COPG2: variants seen among roughly 807,000 people sequenced by gnomAD.
COPG2 encodes coatomer subunit gamma-2.
In COPG2, 37 loss-of-function variants were observed where a neutral mutation model predicts 46.3. That is an observed-to-expected ratio of 0.80 (90% CI 0.61 to 1.05). COPG2 has a LOEUF of 1.05. COPG2 is among the 50% of genes least tolerant of loss of function. COPG2 has a pLI of 0.00. For missense variants in COPG2, 427 were observed against 387.8 expected (o/e 1.10, Z -0.85); for synonymous variants, 159 against 129.7 (o/e 1.23, Z -1.53).
chr7:130,558,084 C>T (rs925484946), intron 12 of COPG2, among the ~76,000 whole-genome samples: 151 of 151,888 alleles, frequency 9.9e-4, no homozygotes, highest in African/African-American at 3.2e-3. Context: ...GGGGCAAAGA[C>T]GGTCTTAAAA....
intron 20 of COPG2, among the ~76,000 whole-genome samples, chr7:130,534,500 ATGGG>A (rs1799860038): frequency 6.6e-6 from 1 of 151,476 alleles, no homozygotes; most frequent in African/African-American, 2.4e-5. Flanking sequence ...TGAGGCTCCA[ATGGG>A]GGTGGGGGGC....
At chr7:130,596,633 C>A (rs1323610117) in intron 9 of COPG2, among the ~76,000 whole-genome samples, 1 of 152,164 alleles carries the variant, frequency 6.6e-6, no homozygotes, top group Non-Finnish European at 1.5e-5. Context: ...GTCTCCCCGG[C>A]CTGACCATGG....
chr7:130,555,590 G>A (rs1793607665), intron 12 of COPG2, among the ~76,000 whole-genome samples: 1 of 152,212 alleles, frequency 6.6e-6, no homozygotes, highest in Non-Finnish European at 1.5e-5. Context: ...ACTGTGGGAG[G>A]CTAAGGTGGG....
At chr7:130,569,843 A>C (rs1162973673) in intron 9 of COPG2, among the ~76,000 whole-genome samples, 4 of 152,212 alleles carry the variant, frequency 2.6e-5, no homozygotes, top group African/African-American at 9.6e-5. Context: ...CAGCATATCA[A>C]AAAGATATCC....
At chr7:130,651,641 C>T (rs1374479019) in intron 5 of COPG2, among the ~76,000 whole-genome samples, 2 of 150,932 alleles carry the variant, frequency 1.3e-5, no homozygotes, top group African/African-American at 2.4e-5. Context: ...CTCAGCCTCC[C>T]GAGTAGCTGG....
intron 5 of COPG2, among the ~76,000 whole-genome samples, chr7:130,649,310 G>A (rs1441076804): frequency 6.6e-6 from 1 of 152,104 alleles, no homozygotes; most frequent in African/African-American, 2.4e-5. Context: ...TAGCCACTTG[G>A]GTAGACTAAG....
intron 7 of COPG2, among the ~76,000 whole-genome samples, chr7:130,612,521 G>C (rs571410136): frequency 6.6e-6 from 1 of 152,032 alleles, no homozygotes. Context: ...TCAACAGAAC[G>C]GTGCTTAAAT....
At chr7:130,511,669 G>A (rs1159203974) in intron 20 of COPG2, 1 of 514,426 alleles carries the variant, frequency 1.9e-6, no homozygotes, top group Admixed American at 2.0e-5. Flanking sequence ...TGAAATAAGA[G>A]ACTGGAAGCA....
chr7:130,642,077 C>T (rs1472709737), intron 5 of COPG2, among the ~76,000 whole-genome samples: 1 of 151,954 alleles, frequency 6.6e-6, no homozygotes, highest in Non-Finnish European at 1.5e-5. Flanking sequence ...TCTCAATTCT[C>T]AATTCCTCAA....
chr7:130,622,923 A>T (rs1554453793), intron 5 of COPG2, among the ~76,000 whole-genome samples: 2 of 152,238 alleles, frequency 1.3e-5, no homozygotes, highest in African/African-American at 4.8e-5. Context: ...ACCATTATAC[A>T]GAAATGATCC....
At chr7:130,635,786 T>C (rs1554456080) in intron 5 of COPG2, among the ~76,000 whole-genome samples, 1 of 152,216 alleles carries the variant, frequency 6.6e-6, no homozygotes, top group African/African-American at 2.4e-5. Flanking sequence ...GTTCTTTTAA[T>C]TGTGATATTG....
intron 5 of COPG2, among the ~76,000 whole-genome samples, chr7:130,645,052 G>C (rs1554457936): frequency 7.7e-6 from 1 of 130,242 alleles, no homozygotes; most frequent in East Asian, 2.2e-4. Context: ...ACAAGAGCGA[G>C]ACTTCATCCC....
intron 9 of COPG2, among the ~76,000 whole-genome samples, chr7:130,566,086 C>G (rs1793798558): frequency 6.6e-6 from 1 of 152,006 alleles, no homozygotes; most frequent in Non-Finnish European, 1.5e-5. Flanking sequence ...AATTTATGTA[C>G]CCAAGAGGCT....
rs375496717 is a variant in COPG2 at position 130,656,121 on chromosome 7, C to T, written c.244-3173G>A. On this transcript the variant is annotated intron_variant, in intron 4 of 23. Transcript: ENST00000425248. Reference sequence around the variant, plus strand: ...ATGATATATTTGGGTCTATATCTACCAGGTCATTATAAGATTTATGTTTGT... The same window carrying T: ...ATGATATATTTGGGTCTATATCTACTAGGTCATTATAAGATTTATGTTTGT... Among the ~76,000 whole-genome samples, 8 of 151,880 alleles carry T rather than the reference C, an allele frequency of 5.3e-5. No homozygotes were observed. In the East Asian group the frequency reaches 5.8e-4, roughly 11 times the overall value.
chr7:130,662,994 T>C lies in COPG2; in HGVS notation c.216A>G (p.Ala72=). 1.9e-6 allele frequency: 3 copies of C among 1,551,348 alleles called. No homozygotes were observed. Among genetic ancestry groups the C allele is most frequent in the South Asian group, 1.2e-5 (1 of 81,058 alleles). The part of the protein sequence containing the change: ...GTTEATEAFF[A]MTRLFQSNDQ... ...CATTAGATTGAAACAATCGCGTCAT[T>C]GCAAAGAAGGCTTCTGTAGCTTCCG... Residue 72 remains alanine (A), a synonymous_variant, in exon 4 of 24, where the codon GCA becomes GCG. Coordinates refer to ENST00000425248, the MANE Select transcript of COPG2 (RefSeq NM_012133.6).
chr7:130,571,059 T>C (rs1432274374), intron 9 of COPG2, among the ~76,000 whole-genome samples: 1 of 152,148 alleles, frequency 6.6e-6, no homozygotes, highest in Non-Finnish European at 1.5e-5. Context: ...TCAAGATGGA[T>C]CAAAGACTTA....
At chr7:130,508,307 A>C (rs1389511648) in intron 21 of COPG2, 1 of 355,486 alleles carries the variant, frequency 2.8e-6, no homozygotes, top group Admixed American at 4.3e-5. Context: ...TCATCTCTTA[A>C]TTATCCCTAT....
intron 14 of COPG2, among the ~76,000 whole-genome samples, 184 bp from the exon 15 acceptor site, chr7:130,552,614 A>C (rs1034402341): frequency 0.016 from 2,504 of 152,336 alleles, 67 homozygotes; most frequent in African/African-American, 0.057. Flanking sequence ...CTGCAAGCCC[A>C]AGAGAGCTCT....
intron 20 of COPG2, 24 bp downstream of exon 20, chr7:130,547,650 C>T (rs1400301174): frequency 2.5e-6 from 1 of 398,472 alleles, no homozygotes; most frequent in Non-Finnish European, 4.4e-6. Context: ...AATCACGTAT[C>T]TCCTCCCTTC....
Sources: allele counts gnomAD v4.1 joint callset (sites outside exome capture counted in the v4.1 genomes callset), GRCh38; gene constraint gnomAD v4.1.1; transcripts MANE v1.5; gene names NCBI Gene and HGNC (gene_info 2026-07-23, HGNC 2026-07-21).